The following PLAAT1 variants were observed in gnomAD, a reference collection of about 807,000 sequenced individuals.
The protein encoded by PLAAT1 is H-REV107 protein-related protein.
In PLAAT1, 13 loss-of-function variants were observed where a neutral mutation model predicts 16.4. That is an observed-to-expected ratio of 0.79 (90% CI 0.52 to 1.26). PLAAT1 has a LOEUF of 1.26. Ranked by LOEUF, PLAAT1 falls within the 50% of genes most tolerant of loss-of-function variation. The probability of loss-of-function intolerance (pLI) is 0.00; values close to 1 mark genes in which losing one functional copy is unlikely to be tolerated. For synonymous variants in PLAAT1, 73 were observed against 78.4 expected (o/e 0.93, Z 0.36); for missense variants, 218 against 207.8 (o/e 1.05, Z -0.30).
At chr3:193,268,853 C>G (rs902382268) in intron 3 of PLAAT1, among the ~76,000 whole-genome samples, 7 of 152,158 alleles carry the variant, frequency 4.6e-5, no homozygotes, top group Admixed American at 2.6e-4. Flanking sequence ...TGAAAGATAC[C>G]TAGTCAGTTA....
chr3:193,274,880 C>G (rs1446980779), downstream of PLAAT1: 1 of 948,506 alleles, frequency 1.1e-6, no homozygotes, highest in Non-Finnish European at 1.6e-6. Flanking sequence ...CAGAATAAGC[C>G]TATCTAAGGT....
At chr3:193,248,045 T>G (rs1007005442) in intron 1 of PLAAT1, among the ~76,000 whole-genome samples, 44 of 152,330 alleles carry the variant, frequency 2.9e-4, no homozygotes, top group Non-Finnish European at 6.0e-4. Flanking sequence ...GCAGTCCATG[T>G]CTCTCATCAG....
At chr3:193,240,751 GTTGT>G (rs1041274870), upstream of PLAAT1, among the ~76,000 whole-genome samples, 3 of 151,306 alleles carry the variant, frequency 2.0e-5, no homozygotes, top group Non-Finnish European at 2.9e-5. Context: ...AAGCAGTGAG[GTTGT>G]TTTAGGGCCA....
At chr3:193,272,695 A>G (rs941980211), downstream of PLAAT1, among the ~76,000 whole-genome samples, 6 of 152,160 alleles carry the variant, frequency 3.9e-5, no homozygotes, top group Non-Finnish European at 7.4e-5. Context: ...GGATGTCTCC[A>G]CTCCAGAAGA....
intron 2 of PLAAT1, among the ~76,000 whole-genome samples, chr3:193,262,357 TTC>T (rs60717120): frequency 0.44 from 49,400 of 111,580 alleles, 9,536 homozygotes; most frequent in Admixed American, 0.51. Context: ...TTTTTTTTTT[TTC>T]TGGCCAAAGG....
At chr3:193,269,964 T>C (rs1716926461) in intron 3 of PLAAT1, among the ~76,000 whole-genome samples, 1 of 152,162 alleles carries the variant, frequency 6.6e-6, no homozygotes, top group Non-Finnish European at 1.5e-5. Flanking sequence ...ATTGGCTTTT[T>C]TTGAAATTTG....
chr3:193,277,096 C>G (rs1717253139), intron 2 of PLAAT1, among the ~76,000 whole-genome samples: 1 of 152,156 alleles, frequency 6.6e-6, no homozygotes. Context: ...CCCTGAATCA[C>G]AAATACGAGA....
Position 193,268,887 on chromosome 3 carries a change from A to G in PLAAT1, c.406-1717A>G, listed in dbSNP as rs758811057. 3.3e-5 allele frequency among the ~76,000 whole-genome samples: 5 copies of G among 152,152 alleles called. No homozygotes were observed. The South Asian group carries it at 1.0e-3, about 32-fold the overall frequency. ...TAGGTCTGCATCTAGCTGGGGCCAC[A>G]CCATCTATAGGATCCTGCCATTTTC... On this transcript the variant is annotated intron_variant, in intron 3 of 3. Transcript: ENST00000264735.
chr3:193,245,360 A>G (rs1416151541), intron 1 of PLAAT1, among the ~76,000 whole-genome samples: 1 of 152,174 alleles, frequency 6.6e-6, no homozygotes, highest in East Asian at 1.9e-4. Context: ...TGTTGTCACT[A>G]ATGACGAAAT....
intron 1 of PLAAT1, among the ~76,000 whole-genome samples, chr3:193,249,346 C>T (rs1716106205): frequency 6.6e-6 from 1 of 152,200 alleles, no homozygotes; most frequent in East Asian, 1.9e-4. Flanking sequence ...TCCTTCCCTA[C>T]ACTTAGGAAG....
intron 2 of PLAAT1, among the ~76,000 whole-genome samples, chr3:193,256,077 G>A (rs371249380): frequency 1.3e-5 from 2 of 152,164 alleles, no homozygotes; most frequent in African/African-American, 4.8e-5. Context: ...GCAAGGTTCA[G>A]TGTCTTTATG....
At chr3:193,274,219 G>A (rs1717080596), downstream of PLAAT1, among the ~76,000 whole-genome samples, 1 of 152,136 alleles carries the variant, frequency 6.6e-6, no homozygotes, top group South Asian at 2.1e-4. Context: ...CTCCAGCCTG[G>A]GTGACAGAGC....
At chr3:193,273,977 C>T (rs569431882), downstream of PLAAT1, among the ~76,000 whole-genome samples, 1 of 152,290 alleles carries the variant, frequency 6.6e-6, no homozygotes, top group South Asian at 2.1e-4. Context: ...GGTGCAGTGG[C>T]TCACGTGTGT....
downstream of PLAAT1, among the ~76,000 whole-genome samples, chr3:193,272,828 C>T (rs201159881): frequency 8.6e-6 from 1 of 116,424 alleles, no homozygotes; most frequent in Non-Finnish European, 1.8e-5. Flanking sequence ...GCTCACAAAG[C>T]CATCAGTTTC....
At chr3:193,272,304 G>A (rs143085823), downstream of PLAAT1, among the ~76,000 whole-genome samples, 1,608 of 152,124 alleles carry the variant, frequency 0.011, 55 homozygotes, top group East Asian at 0.072. Context: ...TTAGCCAGGC[G>A]TGGTGGCGGG....
intron 1 of PLAAT1, among the ~76,000 whole-genome samples, chr3:193,245,237 G>A (rs1185950765): frequency 6.6e-6 from 1 of 151,942 alleles, no homozygotes; most frequent in African/African-American, 2.4e-5. Flanking sequence ...AATGACCTCT[G>A]TACTCTATTT....
At chr3:193,245,866 A>G (rs1227670490) in intron 1 of PLAAT1, among the ~76,000 whole-genome samples, 1 of 152,174 alleles carries the variant, frequency 6.6e-6, no homozygotes, top group Non-Finnish European at 1.5e-5. Context: ...TACTTTGCCA[A>G]GTTTTTAATT....
At chr3:193,276,834 T>C in intron 2 of PLAAT1, 2 of 1,609,398 alleles carry the variant, frequency 1.2e-6, no homozygotes, top group East Asian at 2.2e-5. Context: ...GGATCAACTG[T>C]TGAAAAACAA....
intron 2 of PLAAT1, among the ~76,000 whole-genome samples, chr3:193,275,962 A>G (rs1256137635): frequency 1.3e-5 from 2 of 152,170 alleles, no homozygotes; most frequent in South Asian, 2.1e-4. Context: ...ATCGCTGTAT[A>G]GCTATTTAAA....
Sources: gnomAD v4.1 joint callset for allele counts (sites outside exome capture counted in the v4.1 genomes callset) on GRCh38, gnomAD v4.1.1 for gene constraint, MANE v1.5 for transcripts, NCBI Gene and HGNC (gene_info 2026-07-23, HGNC 2026-07-21) for gene names.